MCM9: variants seen among roughly 807,000 people sequenced by gnomAD.
MCM9 encodes minichromosome maintenance 9 homologous recombination repair factor.
Under a neutral mutation model 72.8 loss-of-function variants are expected in MCM9, and 55 were observed. The ratio of observed to expected loss-of-function variants is 0.76; its 90% CI spans 0.61 to 0.95. MCM9 has a LOEUF of 0.95. MCM9 is among the 40% of genes least tolerant of loss of function. The pLI, the probability that MCM9 is intolerant of heterozygous loss-of-function variation, is 0.00. For missense variants in MCM9, 1,279 were observed against 1,377.0 expected (o/e 0.93, Z 1.13); for synonymous variants, 480 against 503.4 (o/e 0.95, Z 0.62).
chr6:118,904,276 G>A (rs567742724), intron 8 of MCM9, among the ~76,000 whole-genome samples: 1 of 152,276 alleles, frequency 6.6e-6, no homozygotes, highest in Admixed American at 6.5e-5. Context: ...AGCTGACTGA[G>A]GTTTTTAGCC....
chr6:118,933,590 T>C (rs1782632056), intron 1 of MCM9, among the ~76,000 whole-genome samples: 1 of 152,246 alleles, frequency 6.6e-6, no homozygotes, highest in East Asian at 1.9e-4. Context: ...TTTGACTTAC[T>C]TCATTTGTCC....
chr6:118,841,256 T>C (rs1260761050), intron 9 of MCM9, among the ~76,000 whole-genome samples: 2 of 152,222 alleles, frequency 1.3e-5, no homozygotes, highest in Non-Finnish European at 2.9e-5. Context: ...GGTGGCACAC[T>C]TGGATACCTC....
At chr6:118,930,103 ATTTAT>A (rs5879474) in intron 3 of MCM9, among the ~76,000 whole-genome samples, 3 of 145,806 alleles carry the variant, frequency 2.1e-5, no homozygotes, top group African/African-American at 5.0e-5. Context: ...TTATTTATTT[ATTTAT>A]TTTATTTTAT....
chr6:118,852,251 T>C (rs1193450111), intron 9 of MCM9, among the ~76,000 whole-genome samples: 1 of 152,188 alleles, frequency 6.6e-6, no homozygotes, highest in Non-Finnish European at 1.5e-5. Flanking sequence ...CTGGCAAAAA[T>C]GTTATGTGGC....
At position 118,827,174 on chromosome 6, in the gene MCM9, T is replaced by C. The variant is rs1046540904; in HGVS notation, c.1733-310A>G. 5.9e-5 allele frequency among the ~76,000 whole-genome samples: 9 copies of C among 152,234 alleles called. 1 individual carries two copies. Among genetic ancestry groups the C allele is most frequent in the African/African-American group, 2.2e-4 (9 of 41,464 alleles). On this transcript the variant is annotated intron_variant, in intron 11 of 13. Coordinates refer to ENST00000619706, the MANE Select transcript of MCM9 (RefSeq NM_017696.3). ...ACTTTAGTCCTCATTTTCTAGTCTTTTATAAAACTACACAAAATTAAAACT... is the reference window on the plus strand; with the variant it reads ...ACTTTAGTCCTCATTTTCTAGTCTTCTATAAAACTACACAAAATTAAAACT...
intron 10 of MCM9, 105 bp downstream of exon 10, chr6:118,828,943 T>C: frequency 1.7e-6 from 2 of 1,161,426 alleles, no homozygotes; most frequent in South Asian, 2.9e-5. Flanking sequence ...TGCCTGGTAC[T>C]ACATAGCCTA....
In MCM9 at chr6:118,814,888, A is replaced by T; in HGVS notation, c.3368T>A (p.Leu1123Ter). 6.5e-7 allele frequency: 1 copy of T among 1,546,308 alleles called. No homozygotes were observed. Among genetic ancestry groups the T allele is most frequent in the Non-Finnish European group, 8.7e-7 (1 of 1,145,338 alleles). The change falls in exon 14 of 14, where the codon TTA becomes TAA. Residue 1123 changes from leucine to a stop codon, truncating the protein, a stop_gained. Coordinates refer to ENST00000619706, the MANE Select transcript of MCM9 (RefSeq NM_017696.3). LOFTEE classifies it high-confidence loss of function. ...LIVSKESLFT[L>*]PELGDEAFDC... The stretch of plus-strand genomic sequence containing the variant: ...AAATGCTTCATCACCTAGTTCTGGT[A>T]AAGTGAAGAGGGATTCTTTGGAAAC...
At chr6:118,930,915 AT>A (rs1782370140) in intron 3 of MCM9, among the ~76,000 whole-genome samples, 1 of 152,208 alleles carries the variant, frequency 6.6e-6, no homozygotes, top group South Asian at 2.1e-4. Flanking sequence ...CAAGCTGCTG[AT>A]TGCTCCACTG....
At chr6:118,868,900 GCAATCC>G (rs1486229017) in intron 8 of MCM9, among the ~76,000 whole-genome samples, 1 of 152,134 alleles carries the variant, frequency 6.6e-6, no homozygotes, top group African/African-American at 2.4e-5. Flanking sequence ...ATTTGACCCA[GCAATCC>G]CATTACTGGG....
intron 6 of MCM9, among the ~76,000 whole-genome samples, chr6:118,915,495 G>A (rs192004506): frequency 2.6e-5 from 4 of 152,290 alleles, no homozygotes; most frequent in Admixed American, 2.0e-4. Context: ...CCAGGGTCAA[G>A]GAATCCCTCA....
At chr6:118,900,563 CAA>C (rs1027839742) in intron 8 of MCM9, among the ~76,000 whole-genome samples, 6 of 152,248 alleles carry the variant, frequency 3.9e-5, no homozygotes, top group African/African-American at 1.4e-4. Context: ...TAGTGTTTCA[CAA>C]AAGAGTATTT....
chr6:118,841,738 T>A (rs1398333004), intron 9 of MCM9, among the ~76,000 whole-genome samples: 3 of 152,176 alleles, frequency 2.0e-5, no homozygotes, highest in Non-Finnish European at 2.9e-5. Context: ...AAAGGCCTTA[T>A]CTTTTCGTCT....
intron 13 of MCM9, among the ~76,000 whole-genome samples, chr6:118,820,287 C>T (rs1289129893): frequency 6.6e-6 from 1 of 152,188 alleles, no homozygotes; most frequent in Non-Finnish European, 1.5e-5. Flanking sequence ...CTGAACACTG[C>T]TTTAGCTGTG....
At chr6:118,871,844 T>G (rs1487420655) in intron 8 of MCM9, among the ~76,000 whole-genome samples, 4 of 151,704 alleles carry the variant, frequency 2.6e-5, no homozygotes, top group African/African-American at 4.8e-5. Context: ...GAGGCAAAGG[T>G]TGCAGTCAGC....
intron 5 of MCM9, chr6:118,918,900 C>T (rs1781187277): frequency 6.6e-6 from 1 of 152,184 alleles, no homozygotes; most frequent in African/African-American, 2.4e-5. Context: ...TGGTGCCAAT[C>T]CACAGAATAG....
rs1258238583 is a variant in MCM9, at chr6:118,829,395, T to C, written c.1326-145A>G. ...AAATGTAGAATGACAGAAGGAGATATCACAAACATCAACTTCCAACAAAGT... is the reference window on the plus strand; with the variant it reads ...AAATGTAGAATGACAGAAGGAGATACCACAAACATCAACTTCCAACAAAGT... On this transcript the variant is annotated intron_variant, in intron 9 of 13. Transcript: ENST00000619706. 2.3e-5 allele frequency: 16 copies of C among 706,038 alleles called. No individual in the cohort carries two copies. The Admixed American group carries it at 4.1e-4, about 18-fold the overall frequency. 43.7% of individuals were successfully genotyped at this position (706,038 alleles called of 1,614,324 possible). A position where few individuals can be genotyped will look rare whatever the true frequency, so the allele number is the denominator to read the frequency against.
At chr6:118,920,049 C>T (rs1041241267) in intron 5 of MCM9, 3 of 152,194 alleles carry the variant, frequency 2.0e-5, no homozygotes, top group African/African-American at 7.2e-5. Context: ...AGAAAAACAA[C>T]TTAAGACTTA....
chr6:118,816,387 A>G, intron 13 of MCM9, 93 bp from the exon 14 acceptor site: 2 of 1,073,252 alleles, frequency 1.9e-6, no homozygotes, highest in Non-Finnish European at 2.5e-6. Context: ...TACCATCTTA[A>G]AGATTTAAGT....
At chr6:118,816,396 G>T in intron 13 of MCM9, 102 bp from the exon 14 acceptor site, 1 of 982,400 alleles carries the variant, frequency 1.0e-6, no homozygotes, top group Non-Finnish European at 1.4e-6. Context: ...AAAGATTTAA[G>T]TCCCACATAA....
Sources: gnomAD v4.1 joint callset for allele counts (sites outside exome capture counted in the v4.1 genomes callset) on GRCh38, gnomAD v4.1.1 for gene constraint, MANE v1.5 for transcripts, NCBI Gene and HGNC (gene_info 2026-07-23, HGNC 2026-07-21) for gene names.